The following GCC2 variants were observed in gnomAD, a reference collection of about 807,000 sequenced individuals.
GCC2 encodes GRIP and coiled-coil domain-containing protein 2.
GCC2 carries 120 observed loss-of-function variants against 210.6 expected under a neutral mutation model. The ratio of observed to expected loss-of-function variants is 0.57; its 90% CI spans 0.49 to 0.66. The LOEUF (loss-of-function observed/expected upper bound fraction) is 0.66, where lower values mean the gene tolerates loss of function less well. Ranked by LOEUF, GCC2 falls within the 30% of genes least tolerant of loss-of-function variation. The pLI is 0.00. For synonymous variants in GCC2, 703 were observed against 652.7 expected, an observed-to-expected ratio of 1.08 and a Z score of -1.17; for missense variants, 1,868 against 1,871.9, an observed-to-expected ratio of 1.00 and a Z score of 0.04.
At chr2:108,483,316 C>T (rs1466533180) in intron 12 of GCC2, 150 bp downstream of exon 12, 6 of 530,856 alleles carry the variant, frequency 1.1e-5, no homozygotes, top group Middle Eastern at 5.1e-4. Context: ...CTCCGCCTCC[C>T]GAGTTCAAGC....
intron 19 of GCC2, chr2:108,493,152 C>T (rs928632462): frequency 9.9e-5 from 27 of 273,386 alleles, no homozygotes; most frequent in African/African-American, 5.3e-4. Flanking sequence ...TGCAGTGGCG[C>T]GATCTCGGCT....
intron 1 of GCC2, 122 bp from the exon 2 acceptor site, chr2:108,449,511 G>A: frequency 2.4e-6 from 3 of 1,238,146 alleles, no homozygotes; most frequent in Non-Finnish European, 3.5e-6. Context: ...CTCATTCTCT[G>A]TCTCACGAGG....
At chr2:108,457,156 G>T (rs1339612670) in intron 4 of GCC2, among the ~76,000 whole-genome samples, 1 of 151,822 alleles carries the variant, frequency 6.6e-6, no homozygotes, top group Non-Finnish European at 1.5e-5. Flanking sequence ...GTTGATATTT[G>T]TATCAACTAA....
rs1453529676 is a variant in GCC2 at position 108,455,013 on chromosome 2, A to G, written c.216+2547A>G. On this transcript the variant is annotated intron_variant, in intron 4 of 22. Transcript: ENST00000309863. ...TAGAAAACACTCTAGAAAGTTTTTT[A>G]TCCATTAACTCTTATAATACTTTTT... 3.9e-5 allele frequency among the ~76,000 whole-genome samples: 6 copies of G among 151,902 alleles called. No individual in the cohort carries two copies. The South Asian group carries it at 1.2e-3, about 32-fold the overall frequency.
Position 108,469,932 on chromosome 2 carries a change from G to A in GCC2, c.603G>A (p.Leu201=). Reference sequence around the variant, plus strand: ...GCTTTGAGGAGCAAATTTTATATCTGCAAAAGCAATTAGACGCTACCACTG... The same window carrying A: ...GCTTTGAGGAGCAAATTTTATATCTACAAAAGCAATTAGACGCTACCACTG... The part of the protein sequence containing the change: ...RPGFEEQILY[L]QKQLDATTDE... The change falls in exon 6 of 23, where the codon CTG becomes CTA. Residue 201 remains leucine (L), a synonymous_variant. Coordinates refer to ENST00000309863, the MANE Select transcript of GCC2 (RefSeq NM_181453.4). 2 of 1,613,560 alleles carry A rather than the reference G, an allele frequency of 1.2e-6. No individual in the cohort carries two copies. The highest frequency in any genetic ancestry group is 1.7e-6 in the Non-Finnish European group (2 of 1,179,762).
Position 108,483,155 on chromosome 2 carries a change from C to T in GCC2, c.3439C>T (p.Leu1147=), listed in dbSNP as rs778153215. 6.7e-7 allele frequency: 1 copy of T among 1,483,634 alleles called. No homozygotes were observed. Among genetic ancestry groups the T allele is most frequent in the Non-Finnish European group, 9.4e-7 (1 of 1,062,926 alleles). 91.9% of individuals were successfully genotyped at this position (1,483,634 alleles called of 1,614,324 possible). Residue 1147 remains leucine (L), a synonymous_variant, in exon 12 of 23, where the codon CTG becomes TTG. Transcript: ENST00000309863. ...QLQKTMQELE[L]VKKDAQQTTL... is the part of the protein sequence containing the mutation. The stretch of plus-strand genomic sequence containing the variant: ...TCAGAAAACCATGCAAGAATTAGAG[C>T]TGGTTAAAAAGGTAAAATAAAACAC...
intron 22 of GCC2, 146 bp from the exon 23 acceptor site, chr2:108,507,414 C>CA (rs1198222781): frequency 1.6e-5 from 6 of 375,130 alleles, no homozygotes; most frequent in South Asian, 7.8e-5. Context: ...AACCCCCCCC[C>CA]CCAAAAAAAA....
At chr2:108,481,581 G>C (rs1681851551) in intron 9 of GCC2, 116 bp from the exon 10 acceptor site, 1 of 675,160 alleles carries the variant, frequency 1.5e-6, no homozygotes, top group Non-Finnish European at 2.5e-6. Context: ...GTTCAACTTG[G>C]GTAAATATTT....
At chr2:108,466,889 A>G (rs1193547068) in intron 4 of GCC2, among the ~76,000 whole-genome samples, 1 of 152,080 alleles carries the variant, frequency 6.6e-6, no homozygotes, top group East Asian at 1.9e-4. Context: ...AACTTTTTCA[A>G]CCTTAATTAT....
chr2:108,469,467 T>C (rs1419359646), intron 5 of GCC2, 184 bp from the exon 6 acceptor site: 3 of 527,456 alleles, frequency 5.7e-6, no homozygotes, highest in Non-Finnish European at 9.9e-6. Context: ...TAGATATATA[T>C]TGTCATACTT....
intron 16 of GCC2, 23 bp from the exon 17 acceptor site, chr2:108,487,675 GT>G: frequency 6.3e-7 from 1 of 1,583,844 alleles, no homozygotes; most frequent in Admixed American, 1.9e-5. Context: ...GTAGAAAAAC[GT>G]TTCTCTCTTT....
chr2:108,506,290 A>G (rs1413791369), intron 22 of GCC2, among the ~76,000 whole-genome samples: 35 of 152,264 alleles, frequency 2.3e-4, no homozygotes, highest in Admixed American at 3.9e-4. Context: ...CTCAGCAATA[A>G]AAAAGAATGC....
intron 18 of GCC2, among the ~76,000 whole-genome samples, chr2:108,491,889 T>C (rs534396490): frequency 6.6e-6 from 1 of 152,166 alleles, no homozygotes; most frequent in Non-Finnish European, 1.5e-5. Flanking sequence ...TCAGGCTGAG[T>C]ACATAAAAAT....
At chr2:108,481,668 A>G in intron 9 of GCC2, 29 bp from the exon 10 acceptor site, 1 of 1,556,552 alleles carries the variant, frequency 6.4e-7, no homozygotes, top group Non-Finnish European at 8.7e-7. Flanking sequence ...AAAATTATAT[A>G]CCAAAGTTAA....
rs369924612 is a variant in GCC2 at position 108,488,369 on chromosome 2, C to G, written c.4052+549C>G. On this transcript the variant is annotated intron_variant, in intron 17 of 22. Transcript: ENST00000309863. ...TAGATGTTAAAGTGCACAGTGAAGC[C>G]AGGATATGAGATAATAGGCTAACAG... is the stretch of plus-strand genomic sequence containing the variant. 3.9e-5 allele frequency among the ~76,000 whole-genome samples: 6 copies of G among 152,150 alleles called. No homozygotes were observed. The East Asian group carries it at 1.2e-3, about 29-fold the overall frequency.
chr2:108,461,384 C>T (rs180914057), intron 4 of GCC2, among the ~76,000 whole-genome samples: 284 of 151,892 alleles, frequency 1.9e-3, no homozygotes, highest in Non-Finnish European at 2.8e-3. Flanking sequence ...TACCTTTTTG[C>T]ATTGTATTTG....
In GCC2 at chr2:108,449,251, C is replaced by G. The variant is rs370365824; in HGVS notation, c.-24C>G. On this transcript the variant is annotated 5_prime_UTR_variant, in exon 1 of 23. Transcript: ENST00000309863. ...GTGCAGCGGTGGCGGCGGCTGGTTG[C>G]GGGCCGGCGGCGGGCTGGCGGAGAT... 1,782 of 1,548,334 alleles carry G rather than the reference C, an allele frequency of 1.2e-3. 1 individual carries two copies. Among genetic ancestry groups the G allele is most frequent in the Non-Finnish European group, 1.4e-3 (1,642 of 1,144,626 alleles).
At position 108,489,985 on chromosome 2, in the gene GCC2, T is replaced by G; in HGVS notation, c.4200T>G (p.Thr1400=). ...GGCACAACAAGATGCTGCAGGAAAC[T>G]GTGTCCAAAGAGGCGGAACTCCGGG... ...LERHNKMLQE[T]VSKEAELREK... The change falls in exon 18 of 23, where the codon ACT becomes ACG. Residue 1400 remains threonine (T), a synonymous_variant. Transcript: ENST00000309863. 1 of 1,607,404 alleles carries G rather than the reference T, an allele frequency of 6.2e-7. No individual in the cohort carries two copies. The highest frequency in any genetic ancestry group is 8.5e-7 in the Non-Finnish European group (1 of 1,177,458).
In GCC2 at chr2:108,509,227, C is replaced by T. The variant is rs968830163; in HGVS notation, c.*1597C>T. The T allele has an allele frequency of 2.0e-5, 3 of 152,674 alleles. No individual in the cohort carries two copies. The highest frequency in any genetic ancestry group is 4.4e-5 in the Non-Finnish European group (3 of 68,042). The allele number at this position is 152,674 out of a possible 1,614,324, so 9.5% of individuals were successfully genotyped here. ...TCTTTGACTTTAGACCTTTTGAAGT[C>T]TGTATAAACTTGTTTTGAAATATAG... is the stretch of plus-strand genomic sequence containing the variant. On this transcript the variant is annotated 3_prime_UTR_variant, in exon 23 of 23. Transcript: ENST00000309863.
Sources: gnomAD v4.1 joint callset for allele counts (sites outside exome capture counted in the v4.1 genomes callset) on GRCh38, gnomAD v4.1.1 for gene constraint, MANE v1.5 for transcripts, NCBI Gene and HGNC (gene_info 2026-07-23, HGNC 2026-07-21) for gene names.